SYNPR: variants seen among roughly 807,000 people sequenced by gnomAD.
The protein encoded by SYNPR is synaptoporin.
SYNPR carries 23 observed loss-of-function variants against 32.9 expected under a neutral mutation model. The observed-to-expected ratio is 0.70, with a 90% CI of 0.50 to 0.99. The LOEUF is 0.99. Ranked by LOEUF, SYNPR falls within the 50% of genes least tolerant of loss-of-function variation. The probability of loss-of-function intolerance (pLI) is 0.00; values close to 1 mark genes in which losing one functional copy is unlikely to be tolerated. For missense variants in SYNPR, 318 were observed against 349.3 expected (o/e 0.91, Z 0.71); for synonymous variants, 146 against 135.9 (o/e 1.07, Z -0.52).
At chr3:63,232,311 C>T (rs888852381) in intron 1 of SYNPR, among the ~76,000 whole-genome samples, 4 of 143,170 alleles carry the variant, frequency 2.8e-5, no homozygotes, top group Non-Finnish European at 6.0e-5. Context: ...AAATGATTCT[C>T]GTGCCTCAGC....
At chr3:63,408,779 G>C (rs1322569249) in intron 2 of SYNPR, among the ~76,000 whole-genome samples, 2 of 152,116 alleles carry the variant, frequency 1.3e-5, no homozygotes, top group Non-Finnish European at 2.9e-5. Flanking sequence ...TCAGTCCACT[G>C]ATTCAAATGC....
intron 1 of SYNPR, among the ~76,000 whole-genome samples, chr3:63,246,186 T>C (rs1050503926): frequency 2.6e-5 from 4 of 152,116 alleles, no homozygotes; most frequent in Non-Finnish European, 5.9e-5. Context: ...TCCCCTTGCA[T>C]GCTTTAATAG....
At chr3:63,312,353 C>T (rs1305188542) in intron 2 of SYNPR, among the ~76,000 whole-genome samples, 1 of 151,958 alleles carries the variant, frequency 6.6e-6, no homozygotes, top group East Asian at 2.0e-4. Context: ...AATTCACAGC[C>T]TCCTACCAGT....
At chr3:63,443,604 A>AT (rs1462181932) in intron 2 of SYNPR, 39 of 1,008,840 alleles carry the variant, frequency 3.9e-5, no homozygotes, top group Non-Finnish European at 5.3e-5. Flanking sequence ...AATAATCTCT[A>AT]TTTTTCTTGA....
At chr3:63,339,201 A>G (rs2087332660) in intron 2 of SYNPR, among the ~76,000 whole-genome samples, 1 of 152,204 alleles carries the variant, frequency 6.6e-6, no homozygotes, top group Admixed American at 6.5e-5. Context: ...AGTTGTCTTT[A>G]TTAAACACAT....
chr3:63,588,535 TA>T (rs375835265), intron 4 of SYNPR, among the ~76,000 whole-genome samples: 20 of 151,924 alleles, frequency 1.3e-4, no homozygotes, highest in Admixed American at 4.6e-4. Context: ...TCAGAAGTGC[TA>T]AAAAAAATGC....
chr3:63,259,194 A>G (rs1341707345), intron 2 of SYNPR, among the ~76,000 whole-genome samples: 4 of 152,210 alleles, frequency 2.6e-5, no homozygotes, highest in Non-Finnish European at 5.9e-5. Context: ...CCAACAGAAA[A>G]AGACGGAATC....
At chr3:63,515,199 A>G (rs1295009014) in intron 3 of SYNPR, among the ~76,000 whole-genome samples, 2 of 152,066 alleles carry the variant, frequency 1.3e-5, no homozygotes, top group African/African-American at 4.8e-5. Flanking sequence ...TTCAGCCTTC[A>G]AAACATCTGC....
chr3:63,438,498 G>C (rs1700120836), intron 2 of SYNPR, among the ~76,000 whole-genome samples: 2 of 152,162 alleles, frequency 1.3e-5, no homozygotes. Context: ...AATTCTTTCA[G>C]ACAGATTTGA....
At chr3:63,201,029 G>T in the SYNPR span, among the ~76,000 whole-genome samples, 1 of 152,096 alleles carries the variant, frequency 6.6e-6, no homozygotes, top group Admixed American at 6.6e-5. Flanking sequence ...AATGTATTTT[G>T]TATGGATTAG....
At chr3:63,488,062 G>A (rs1701188845) in intron 3 of SYNPR, among the ~76,000 whole-genome samples, 1 of 152,138 alleles carries the variant, frequency 6.6e-6, no homozygotes, top group South Asian at 2.1e-4. Context: ...ATCTAGTAAC[G>A]CTAGCTCTGC....
At position 63,341,880 on chromosome 3, in the gene SYNPR, A is replaced by G. The variant is rs550146600; in HGVS notation, c.84+63138A>G. 1.4e-4 allele frequency among the ~76,000 whole-genome samples: 21 copies of G among 152,060 alleles called. No homozygotes were observed. In the South Asian group the frequency reaches 4.4e-3, roughly 32 times the overall value. ...AATGTTAATGGAGTCCAAATTACCT[A>G]TTTTGTTTTGTCATGGATTGTGTTT... On this transcript the variant is annotated intron_variant, in intron 2 of 5. Transcript: ENST00000478300.
At chr3:63,415,484 T>C (rs1217775675) in intron 2 of SYNPR, among the ~76,000 whole-genome samples, 1 of 152,206 alleles carries the variant, frequency 6.6e-6, no homozygotes, top group Non-Finnish European at 1.5e-5. Context: ...ACAGATCATA[T>C]GTGACAGTTT....
intron 3 of SYNPR, among the ~76,000 whole-genome samples, chr3:63,498,704 G>A (rs1432226741): frequency 1.3e-5 from 2 of 152,038 alleles, no homozygotes; most frequent in East Asian, 1.9e-4. Context: ...ACCACAGTGC[G>A]TAAGTGCAGA....
intron 4 of SYNPR, among the ~76,000 whole-genome samples, chr3:63,568,158 C>G (rs1702824383): frequency 6.6e-6 from 1 of 152,204 alleles, no homozygotes; most frequent in African/African-American, 2.4e-5. Context: ...ACTTACTCCA[C>G]AGGCCAAGAA....
chr3:63,437,749 G>A (rs557546884), intron 2 of SYNPR, among the ~76,000 whole-genome samples: 11 of 152,096 alleles, frequency 7.2e-5, no homozygotes, highest in Non-Finnish European at 1.5e-4. Context: ...TGTGGCCTTC[G>A]CTAGAGGAAT....
chr3:63,587,343 C>T (rs1481218475), intron 4 of SYNPR, among the ~76,000 whole-genome samples: 1 of 152,128 alleles, frequency 6.6e-6, no homozygotes, highest in Non-Finnish European at 1.5e-5. Flanking sequence ...TCCCATGTTA[C>T]AGATTTGAAC....
At chr3:63,500,953 T>C (rs1348408688) in intron 3 of SYNPR, among the ~76,000 whole-genome samples, 1 of 152,204 alleles carries the variant, frequency 6.6e-6, no homozygotes, top group Non-Finnish European at 1.5e-5. Context: ...GAACCTATTT[T>C]CTAATTTGGA....
At chr3:63,381,458 C>T (rs918771646) in intron 2 of SYNPR, among the ~76,000 whole-genome samples, 4 of 152,184 alleles carry the variant, frequency 2.6e-5, no homozygotes, top group South Asian at 2.1e-4. Flanking sequence ...GAATCAATAT[C>T]GTGAAAACGG....
Sources: allele counts gnomAD v4.1 joint callset (sites outside exome capture counted in the v4.1 genomes callset), GRCh38; gene constraint gnomAD v4.1.1; transcripts MANE v1.5; gene names NCBI Gene and HGNC (gene_info 2026-07-23, HGNC 2026-07-21).